The following XKR4 variants were observed in gnomAD, a reference collection of about 807,000 sequenced individuals.
XKR4 encodes XK-related protein 4.
XKR4 carries 12 observed loss-of-function variants against 53.9 expected under a neutral mutation model. The ratio of observed to expected loss-of-function variants is 0.22; its 90% confidence interval spans 0.14 to 0.36. The LOEUF is 0.36. Among genes scored for constraint, XKR4 ranks in the 10% least tolerant of loss-of-function variants. The pLI is 1.00. For synonymous variants in XKR4, 354 were observed against 362.4 expected, an observed-to-expected ratio of 0.98 and a Z score of 0.26; for missense variants, 799 against 859.5, an observed-to-expected ratio of 0.93 and a Z score of 0.88.
chr8:55,198,589 C>A (rs897317754), intron 1 of XKR4, among the ~76,000 whole-genome samples: 6 of 151,806 alleles, frequency 4.0e-5, no homozygotes, highest in African/African-American at 1.5e-4. Context: ...GAAATGGATT[C>A]TTACTTTTGG....
At chr8:55,492,697 G>A (rs1439303257) in intron 2 of XKR4, among the ~76,000 whole-genome samples, 6 of 152,180 alleles carry the variant, frequency 3.9e-5, no homozygotes, top group Admixed American at 1.3e-4. Flanking sequence ...CCAGTTGATC[G>A]TTTGATCAGA....
chr8:55,384,756 C>T (rs998191209), intron 2 of XKR4, among the ~76,000 whole-genome samples: 6 of 152,236 alleles, frequency 3.9e-5, no homozygotes, highest in Non-Finnish European at 8.8e-5. Flanking sequence ...AAGCCAGTAG[C>T]TGAGAGCAAA....
chr8:55,460,879 A>G (rs930584815), intron 2 of XKR4, among the ~76,000 whole-genome samples: 1 of 152,226 alleles, frequency 6.6e-6, no homozygotes, highest in Non-Finnish European at 1.5e-5. Flanking sequence ...AGCCTTGCTC[A>G]TTGCTAGCAC....
Position 55,437,964 on chromosome 8 carries a change from AAAGAAG to A in XKR4, c.1006+80105_1006+80110del, listed in dbSNP as rs140525104. 3.8e-3 allele frequency among the ~76,000 whole-genome samples: 429 copies of A among 113,272 alleles called. 2 individuals carry two copies. The highest frequency in any genetic ancestry group is 0.014 in the African/African-American group (402 of 27,964). The allele number at this position is 113,272 out of a possible 152,430, so 74.3% of individuals were successfully genotyped here. ...CTCCAAACAAACAAACAAAAAAAAA[AAAGAAG>A]AAGAAGAAGAAGAAGAAAGAAAGTA... On this transcript the variant is annotated intron_variant, in intron 2 of 2. Coordinates refer to ENST00000327381, the MANE Select transcript of XKR4 (RefSeq NM_052898.2).
intron 1 of XKR4, among the ~76,000 whole-genome samples, chr8:55,163,017 A>G (rs2129357363): frequency 6.6e-6 from 1 of 152,346 alleles, no homozygotes. Flanking sequence ...TAATGTCACC[A>G]TGCAGAGAAA....
intron 1 of XKR4, among the ~76,000 whole-genome samples, chr8:55,356,747 T>C (rs1160311612): frequency 6.6e-6 from 1 of 152,186 alleles, no homozygotes; most frequent in Non-Finnish European, 1.5e-5. Flanking sequence ...AATATGTTGA[T>C]AACTCCAGTT....
At chr8:55,390,394 A>G (rs984293128) in intron 2 of XKR4, among the ~76,000 whole-genome samples, 9 of 152,228 alleles carry the variant, frequency 5.9e-5, no homozygotes, top group Non-Finnish European at 7.3e-5. Context: ...CTTTCATTAG[A>G]AGACTCTGAA....
intron 2 of XKR4, among the ~76,000 whole-genome samples, chr8:55,440,709 G>C (rs1026026419): frequency 6.6e-6 from 1 of 152,088 alleles, no homozygotes; most frequent in African/African-American, 2.4e-5. Flanking sequence ...TTATATAGTA[G>C]AGATAGATAT....
At chr8:55,433,313 A>T (rs1320158684) in intron 2 of XKR4, among the ~76,000 whole-genome samples, 2 of 152,260 alleles carry the variant, frequency 1.3e-5, no homozygotes, top group Non-Finnish European at 2.9e-5. Context: ...GCATAAAGTA[A>T]TAGTGAGCCT....
chr8:55,298,744 C>A (rs1338519119), intron 1 of XKR4, among the ~76,000 whole-genome samples: 1 of 152,168 alleles, frequency 6.6e-6, no homozygotes, highest in Non-Finnish European at 1.5e-5. Context: ...GTCTGTCCCT[C>A]TGTGTGCATG....
chr8:55,180,046 T>A (rs183785315), intron 1 of XKR4, among the ~76,000 whole-genome samples: 1 of 152,336 alleles, frequency 6.6e-6, no homozygotes, highest in Admixed American at 6.5e-5. Flanking sequence ...TATAATTATA[T>A]GCATAATAAG....
At chr8:55,133,592 C>A (rs187662905) in intron 1 of XKR4, among the ~76,000 whole-genome samples, 3 of 151,940 alleles carry the variant, frequency 2.0e-5, no homozygotes, top group African/African-American at 7.3e-5. Flanking sequence ...TTGATACTGG[C>A]GATTACCAAG....
chr8:55,383,277 C>A (rs1394582548), intron 2 of XKR4, among the ~76,000 whole-genome samples: 1 of 152,194 alleles, frequency 6.6e-6, no homozygotes, highest in Non-Finnish European at 1.5e-5. Context: ...GCATTTGATG[C>A]GGCCTTTGCA....
chr8:55,128,973 G>A (rs981921289), intron 1 of XKR4, among the ~76,000 whole-genome samples: 1 of 152,172 alleles, frequency 6.6e-6, no homozygotes, highest in Non-Finnish European at 1.5e-5. Flanking sequence ...ACCAACAATG[G>A]TGATAGGCTC....
chr8:55,343,617 G>A (rs563273212), intron 1 of XKR4, among the ~76,000 whole-genome samples: 46 of 152,182 alleles, frequency 3.0e-4, no homozygotes, highest in Non-Finnish European at 3.1e-4. Flanking sequence ...GCTGCAGAGG[G>A]CACAGTTAAT....
intron 1 of XKR4, among the ~76,000 whole-genome samples, chr8:55,253,361 T>A (rs1326444940): frequency 6.6e-6 from 1 of 152,242 alleles, no homozygotes; most frequent in Non-Finnish European, 1.5e-5. Context: ...TTTAATACCA[T>A]TTATCTACAT....
intron 2 of XKR4, among the ~76,000 whole-genome samples, chr8:55,432,221 C>T (rs1017947799): frequency 6.6e-6 from 1 of 152,122 alleles, no homozygotes; most frequent in Non-Finnish European, 1.5e-5. Flanking sequence ...AGAAGCCAGG[C>T]CACCTGGGTT....
intron 2 of XKR4, among the ~76,000 whole-genome samples, chr8:55,412,413 AT>A (rs1177550804): frequency 2.0e-5 from 3 of 152,100 alleles, no homozygotes; most frequent in African/African-American, 4.8e-5. Context: ...GCTTATTTAA[AT>A]TTTTTTTAAA....
intron 2 of XKR4, among the ~76,000 whole-genome samples, chr8:55,380,133 G>T (rs1804210264): frequency 2.0e-5 from 3 of 152,236 alleles, no homozygotes; most frequent in Admixed American, 2.0e-4. Flanking sequence ...CATTGGTTCT[G>T]ATGAGAGACT....
Sources: allele counts gnomAD v4.1 joint callset (sites outside exome capture counted in the v4.1 genomes callset), GRCh38; gene constraint gnomAD v4.1.1; transcripts MANE v1.5; gene names NCBI Gene and HGNC (gene_info 2026-07-23, HGNC 2026-07-21).